AOPEP: variants seen among roughly 807,000 people sequenced by gnomAD.
AOPEP encodes aminopeptidase O.
A neutral mutation model predicts 98.1 loss-of-function variants in AOPEP; 77 were observed. That is an observed-to-expected ratio of 0.78 (90% CI 0.65 to 0.95). The LOEUF (loss-of-function observed/expected upper bound fraction) is 0.95, where lower values mean the gene tolerates loss of function less well. AOPEP is among the 40% of genes least tolerant of loss of function. AOPEP has a pLI of 0.00. For missense variants in AOPEP, 1,024 were observed against 1,024.7 expected, an observed-to-expected ratio of 1.00 and a Z score of 0.01; for synonymous variants, 346 against 365.3, an observed-to-expected ratio of 0.95 and a Z score of 0.60.
At chr9:95,065,526 G>A (rs926027043) in intron 14 of AOPEP, 1 of 152,250 alleles carries the variant, frequency 6.6e-6, no homozygotes, top group Non-Finnish European at 1.5e-5. Context: ...CGAATCCAGG[G>A]CCTCATTACT....
the AOPEP span, among the ~76,000 whole-genome samples, chr9:95,094,094 CCTCT>C: frequency 5.9e-5 from 9 of 152,232 alleles, no homozygotes; most frequent in South Asian, 4.1e-4. Context: ...CCCTTTCCTC[CCTCT>C]CTGTTTCCTT....
chr9:94,764,765 A>G (rs1282822474), intron 2 of AOPEP, among the ~76,000 whole-genome samples: 1 of 152,110 alleles, frequency 6.6e-6, no homozygotes, highest in African/African-American at 2.4e-5. Flanking sequence ...GTATTGGTTC[A>G]CTCCTTGTGA....
intron 13 of AOPEP, among the ~76,000 whole-genome samples, chr9:95,045,176 C>G (rs1015792686): frequency 3.3e-5 from 5 of 152,224 alleles, no homozygotes; most frequent in Non-Finnish European, 5.9e-5. Context: ...CAACGGCGCC[C>G]CTAGCGTCTG....
chr9:94,947,101 C>G (rs373465656), intron 7 of AOPEP, among the ~76,000 whole-genome samples: 10 of 151,146 alleles, frequency 6.6e-5, no homozygotes, highest in African/African-American at 1.5e-4. Context: ...CTCAGCCTCC[C>G]GAGTAGCTGG....
At chr9:94,752,627 ACTC>A (rs1467249803) in intron 1 of AOPEP, among the ~76,000 whole-genome samples, 1 of 152,160 alleles carries the variant, frequency 6.6e-6, no homozygotes, top group Non-Finnish European at 1.5e-5. Context: ...TTACCCATGG[ACTC>A]CTCCTAAAAT....
intron 14 of AOPEP, among the ~76,000 whole-genome samples, chr9:95,062,264 C>G (rs1299772529): frequency 6.6e-6 from 1 of 152,022 alleles, no homozygotes; most frequent in Non-Finnish European, 1.5e-5. Flanking sequence ...ATCTCTAGTA[C>G]AGCGCAGGGG....
intron 11 of AOPEP, among the ~76,000 whole-genome samples, chr9:94,992,561 G>T (rs985713467): frequency 3.9e-5 from 6 of 152,214 alleles, no homozygotes; most frequent in African/African-American, 1.4e-4. Flanking sequence ...TCTTTATTAT[G>T]AAGTTTTGTT....
intron 10 of AOPEP, among the ~76,000 whole-genome samples, chr9:94,969,474 G>A (rs1011437534): frequency 2.0e-5 from 3 of 149,496 alleles, no homozygotes; most frequent in Non-Finnish European, 4.4e-5. Flanking sequence ...GCAGTGGCAC[G>A]ATCTTGGCTC....
intron 7 of AOPEP, among the ~76,000 whole-genome samples, chr9:94,929,517 G>A (rs1013018685): frequency 2.0e-5 from 3 of 152,278 alleles, no homozygotes; most frequent in South Asian, 4.1e-4. Context: ...AGTTCCCTGC[G>A]CTTGCACGCT....
chr9:95,085,538 G>A (rs776367608), intron 16 of AOPEP: 5 of 510,768 alleles, frequency 9.8e-6, no homozygotes, highest in African/African-American at 1.9e-5. Flanking sequence ...CTGAAGAGAA[G>A]GTGAGATGGG....
At chr9:95,115,975 CATA>C in the AOPEP span, among the ~76,000 whole-genome samples, 1 of 152,184 alleles carries the variant, frequency 6.6e-6, no homozygotes, top group East Asian at 1.9e-4. Context: ...AATCTGTGAC[CATA>C]ACACTGTTTC....
At chr9:95,055,287 G>T (rs745664272) in intron 13 of AOPEP, among the ~76,000 whole-genome samples, 5 of 152,176 alleles carry the variant, frequency 3.3e-5, no homozygotes, top group Non-Finnish European at 5.9e-5. Context: ...GGCCTGGCTA[G>T]TGTGTGGGCA....
Position 94,759,674 on chromosome 9 carries a change from G to GGTTTTCTTTGATAAGCAAAGAAA in AOPEP, c.-110_-109insGTTTTCTTTGATAAGCAAAGAAA. ...GAGACTGAAAGGAACCATAATTTGTGACATCAGTTGTTTTCTTTGATAAGC... is the reference window on the plus strand; with the variant it reads ...GAGACTGAAAGGAACCATAATTTGTGGTTTTCTTTGATAAGCAAAGAAAACATCAGTTGTTTTCTTTGATAAGC... On this transcript the variant is annotated 5_prime_UTR_variant, in exon 2 of 17. Coordinates refer to ENST00000375315, the MANE Select transcript of AOPEP (RefSeq NM_001193329.3). 1.2e-6 allele frequency: 1 copy of GGTTTTCTTTGATAAGCAAAGAAA among 836,884 alleles called. No individual in the cohort carries two copies. Among genetic ancestry groups the GGTTTTCTTTGATAAGCAAAGAAA allele is most frequent in the Non-Finnish European group, 1.8e-6 (1 of 550,376 alleles). 51.8% of individuals were successfully genotyped at this position (836,884 alleles called of 1,614,324 possible). A position where few individuals can be genotyped will look rare whatever the true frequency, so the allele number is the denominator to read the frequency against.
At chr9:94,774,128 C>T (rs929095452) in intron 3 of AOPEP, among the ~76,000 whole-genome samples, 3 of 151,738 alleles carry the variant, frequency 2.0e-5, no homozygotes, top group African/African-American at 4.8e-5. Context: ...CTGGCTAACA[C>T]GGTGAAATCT....
At chr9:94,876,150 G>A (rs1268781966) in intron 5 of AOPEP, among the ~76,000 whole-genome samples, 1 of 152,148 alleles carries the variant, frequency 6.6e-6, no homozygotes, top group Non-Finnish European at 1.5e-5. Context: ...TGGTGATTAA[G>A]GACCACAGTT....
the AOPEP span, chr9:95,101,445 G>C: frequency 1.9e-6 from 1 of 532,178 alleles, no homozygotes; most frequent in Non-Finnish European, 3.4e-6. Flanking sequence ...TCAAGCTGAC[G>C]GTCTGGCCGG....
intron 13 of AOPEP, among the ~76,000 whole-genome samples, chr9:95,047,607 C>A (rs1227822534): frequency 2.0e-5 from 3 of 152,128 alleles, no homozygotes; most frequent in African/African-American, 7.2e-5. Context: ...GGTTTGGGGC[C>A]ACATCTTTCT....
chr9:95,002,473 A>T (rs2061625753), intron 11 of AOPEP, among the ~76,000 whole-genome samples: 2 of 152,226 alleles, frequency 1.3e-5, no homozygotes, highest in African/African-American at 2.4e-5. Flanking sequence ...TGTAAATTTG[A>T]CTTTAGTGAA....
intron 14 of AOPEP, among the ~76,000 whole-genome samples, chr9:95,072,867 C>T (rs999901619): frequency 6.6e-6 from 1 of 152,190 alleles, no homozygotes; most frequent in Non-Finnish European, 1.5e-5. Context: ...TCTAGCATTG[C>T]AGGAAGTCAG....
Sources: allele counts gnomAD v4.1 joint callset (sites outside exome capture counted in the v4.1 genomes callset), GRCh38; gene constraint gnomAD v4.1.1; transcripts MANE v1.5; gene names NCBI Gene and HGNC (gene_info 2026-07-23, HGNC 2026-07-21).